IL7: variants seen among roughly 807,000 people sequenced by gnomAD.
IL7 encodes interleukin-7.
In IL7, 3 loss-of-function variants were observed where a neutral mutation model predicts 21.6. The observed-to-expected ratio is 0.14, with a 90% CI of 0.06 to 0.36. The LOEUF (loss-of-function observed/expected upper bound fraction) is 0.36, where lower values mean the gene tolerates loss of function less well. Ranked by LOEUF, IL7 falls within the 10% of genes least tolerant of loss-of-function variation. The pLI, the probability that IL7 is intolerant of heterozygous loss-of-function variation, is 1.00. For missense variants in IL7, 175 were observed against 200.2 expected (o/e 0.87, Z 0.76); for synonymous variants, 62 against 68.1 (o/e 0.91, Z 0.44).
chr8:78,737,711 T>A (rs1811640543), intron 4 of IL7, among the ~76,000 whole-genome samples: 1 of 152,148 alleles, frequency 6.6e-6, no homozygotes. Flanking sequence ...AAAATTCTTT[T>A]TTAAGTCATA....
At chr8:78,742,995 C>T (rs556190589) in intron 2 of IL7, among the ~76,000 whole-genome samples, 1 of 152,152 alleles carries the variant, frequency 6.6e-6, no homozygotes, top group African/African-American at 2.4e-5. Flanking sequence ...GTTTTCTGTT[C>T]CTGCATTAGT....
chr8:78,752,499 GC>G (rs1371031521), intron 2 of IL7, among the ~76,000 whole-genome samples: 3 of 152,002 alleles, frequency 2.0e-5, no homozygotes, highest in Non-Finnish European at 4.4e-5. Flanking sequence ...GTATTGATTT[GC>G]ATTTTTTTCC....
downstream of IL7, among the ~76,000 whole-genome samples, chr8:78,717,144 G>GT (rs1322818149): frequency 6.6e-6 from 1 of 151,598 alleles, no homozygotes; most frequent in Non-Finnish European, 1.5e-5. Flanking sequence ...TAAATATAAT[G>GT]TTAAAAAAAA....
intron 2 of IL7, among the ~76,000 whole-genome samples, chr8:78,749,399 A>G (rs1202221233): frequency 6.6e-6 from 1 of 152,158 alleles, no homozygotes; most frequent in Non-Finnish European, 1.5e-5. Flanking sequence ...AGCTAAACCC[A>G]TTAAAAAAAA....
chr8:78,799,192 G>A (rs985859455), intron 1 of IL7, among the ~76,000 whole-genome samples: 5 of 152,118 alleles, frequency 3.3e-5, no homozygotes, highest in African/African-American at 9.7e-5. Context: ...GTACTTGAAT[G>A]CAAGATATTT....
chr8:78,684,097 T>C (rs1809875858), intron 4 of IL7, among the ~76,000 whole-genome samples: 1 of 152,190 alleles, frequency 6.6e-6, no homozygotes, highest in Non-Finnish European at 1.5e-5. Context: ...CCCTCCAAAC[T>C]GTTTCAGCCT....
At chr8:78,791,212 C>G (rs1813683281) in intron 2 of IL7, among the ~76,000 whole-genome samples, 1 of 152,142 alleles carries the variant, frequency 6.6e-6, no homozygotes, top group Admixed American at 6.6e-5. Flanking sequence ...TCCCTCCCAC[C>G]TTGGTGCCCA....
At chr8:78,699,779 T>C (rs1161936194) in intron 3 of IL7, among the ~76,000 whole-genome samples, 1 of 152,190 alleles carries the variant, frequency 6.6e-6, no homozygotes, top group African/African-American at 2.4e-5. Context: ...TCCATTCATG[T>C]CCCTCCTAAG....
intron 3 of IL7, among the ~76,000 whole-genome samples, chr8:78,695,313 CTAAG>C (rs1161295779): frequency 6.6e-6 from 1 of 151,968 alleles, no homozygotes; most frequent in Non-Finnish European, 1.5e-5. Flanking sequence ...CATGTTCTGC[CTAAG>C]TATTTGGAAG....
chr8:78,779,407 T>C (rs1813241738), intron 2 of IL7, among the ~76,000 whole-genome samples: 1 of 152,208 alleles, frequency 6.6e-6, no homozygotes. Flanking sequence ...TTGAGGTATG[T>C]TCCATCAATA....
intron 3 of IL7, among the ~76,000 whole-genome samples, chr8:78,688,230 G>A (rs1005831032): frequency 6.6e-6 from 1 of 151,864 alleles, no homozygotes. Flanking sequence ...AAGATATTTA[G>A]ATATTGTGTC....
At chr8:78,711,741 G>T (rs190256717) in intron 3 of IL7, among the ~76,000 whole-genome samples, 38 of 152,008 alleles carry the variant, frequency 2.5e-4, no homozygotes, top group African/African-American at 9.2e-4. Context: ...TTGCCCTGCT[G>T]TGTATAATTT....
chr8:78,697,386 A>G (rs371415546), intron 3 of IL7: 25 of 1,545,360 alleles, frequency 1.6e-5, no homozygotes, highest in Non-Finnish European at 1.9e-5. Context: ...GTTGATTAAT[A>G]TTTTTTTTCC....
intron 2 of IL7, among the ~76,000 whole-genome samples, chr8:78,746,407 TC>T (rs1373911782): frequency 1.3e-5 from 2 of 152,226 alleles, no homozygotes; most frequent in African/African-American, 4.8e-5. Context: ...CATGAGTTTC[TC>T]CACAGGCTTT....
At chr8:78,776,053 C>G (rs964191178) in intron 2 of IL7, among the ~76,000 whole-genome samples, 3 of 151,872 alleles carry the variant, frequency 2.0e-5, no homozygotes, top group African/African-American at 7.3e-5. Context: ...GCATACATAC[C>G]AATGATAAAA....
chr8:78,747,021 C>T (rs986937426), intron 2 of IL7: 17 of 456,542 alleles, frequency 3.7e-5, no homozygotes, highest in African/African-American at 2.2e-4. Context: ...AGCTAGCAAA[C>T]GAATGTCTAA....
At chr8:78,704,157 G>A (rs538485322) in intron 3 of IL7, among the ~76,000 whole-genome samples, 4 of 152,188 alleles carry the variant, frequency 2.6e-5, no homozygotes, top group South Asian at 2.1e-4. Context: ...CGAGGCGAGC[G>A]GATCACCTGA....
At chr8:78,782,959 G>A (rs1032603895) in intron 2 of IL7, among the ~76,000 whole-genome samples, 1 of 152,182 alleles carries the variant, frequency 6.6e-6, no homozygotes, top group Non-Finnish European at 1.5e-5. Flanking sequence ...AGGCAGTCTG[G>A]TGATTATCTG....
chr8:78,799,478 A>C (rs1328369151), intron 1 of IL7, among the ~76,000 whole-genome samples: 1 of 152,204 alleles, frequency 6.6e-6, no homozygotes, highest in Non-Finnish European at 1.5e-5. Context: ...ACATAGTAAG[A>C]GAAACAAAAA....
Sources: gnomAD v4.1 joint callset for allele counts (sites outside exome capture counted in the v4.1 genomes callset) on GRCh38, gnomAD v4.1.1 for gene constraint, MANE v1.5 for transcripts, NCBI Gene and HGNC (gene_info 2026-07-23, HGNC 2026-07-21) for gene names.